The following ZBTB38 variants were observed in gnomAD, a reference collection of about 807,000 sequenced individuals.
The protein encoded by ZBTB38 is zinc finger and BTB domain containing 38.
Under a neutral mutation model 76.8 loss-of-function variants are expected in ZBTB38, and 20 were observed. The ratio of observed to expected loss-of-function variants is 0.26; its 90% CI spans 0.18 to 0.38. The LOEUF is 0.38. Ranked by LOEUF, ZBTB38 falls within the 10% of genes least tolerant of loss-of-function variation. The pLI is 1.00. For missense variants in ZBTB38, 1,082 were observed against 1,482.3 expected, an observed-to-expected ratio of 0.73 and a Z score of 4.43; for synonymous variants, 504 against 544.2, an observed-to-expected ratio of 0.93 and a Z score of 1.03.
At chr3:141,343,348 G>A (rs943625259) in intron 1 of ZBTB38, among the ~76,000 whole-genome samples, 5 of 152,106 alleles carry the variant, frequency 3.3e-5, no homozygotes, top group African/African-American at 1.2e-4. Context: ...TCCATTCAAG[G>A]GAGCAGGACA....
intron 1 of ZBTB38, among the ~76,000 whole-genome samples, chr3:141,357,786 A>G (rs1943709178): frequency 6.6e-6 from 1 of 152,102 alleles, no homozygotes; most frequent in African/African-American, 2.4e-5. Flanking sequence ...GCGCCTGGCT[A>G]TTTTTGTGGT....
chr3:141,397,444 C>T (rs778307394), intron 4 of ZBTB38, among the ~76,000 whole-genome samples: 7 of 152,152 alleles, frequency 4.6e-5, no homozygotes, highest in Admixed American at 1.3e-4. Flanking sequence ...TTATCATTTC[C>T]GTGTTCATTG....
At chr3:141,414,247 A>G (rs1202212258) in intron 5 of ZBTB38, among the ~76,000 whole-genome samples, 1 of 152,176 alleles carries the variant, frequency 6.6e-6, no homozygotes, top group African/African-American at 2.4e-5. Context: ...TTTCACACAG[A>G]TAGGGGCCTG....
chr3:141,434,329 A>G (rs1230333976), intron 5 of ZBTB38: 2 of 503,370 alleles, frequency 4.0e-6, no homozygotes, highest in Non-Finnish European at 5.1e-6. Flanking sequence ...GGCAGAATGT[A>G]GAAGTCTTCC....
At chr3:141,354,061 C>T (rs978410284) in intron 1 of ZBTB38, among the ~76,000 whole-genome samples, 3 of 152,268 alleles carry the variant, frequency 2.0e-5, no homozygotes, top group South Asian at 4.1e-4. Context: ...AATCCCTTCA[C>T]ACTCTTACAA....
At chr3:141,435,984 C>A (rs2078691141) in intron 5 of ZBTB38, among the ~76,000 whole-genome samples, 1 of 151,988 alleles carries the variant, frequency 6.6e-6, no homozygotes. Context: ...ACAAAACTTG[C>A]TTTTTAGAAA....
At chr3:141,440,221 A>C (rs1040515710) in intron 5 of ZBTB38, among the ~76,000 whole-genome samples, 1 of 152,244 alleles carries the variant, frequency 6.6e-6, no homozygotes, top group African/African-American at 2.4e-5. Flanking sequence ...ATTGATGATA[A>C]AAGTTAGTTC....
intron 4 of ZBTB38, chr3:141,388,401 G>A (rs2149282656): frequency 6.6e-6 from 1 of 152,150 alleles, no homozygotes; most frequent in African/African-American, 2.4e-5. Context: ...AATTTGGGGG[G>A]ATGAGGAGTT....
intron 4 of ZBTB38, among the ~76,000 whole-genome samples, chr3:141,398,917 T>C (rs1036442500): frequency 8.5e-5 from 13 of 152,212 alleles, no homozygotes; most frequent in Admixed American, 3.3e-4. Flanking sequence ...TACAGTGCAA[T>C]TGACACTATT....
intron 5 of ZBTB38, among the ~76,000 whole-genome samples, chr3:141,430,511 C>T (rs948703936): frequency 1.3e-5 from 2 of 152,236 alleles, no homozygotes; most frequent in East Asian, 1.9e-4. Context: ...TGCCAGGTGC[C>T]ATGGACCACA....
chr3:141,373,229 GA>G (rs1944893029), intron 2 of ZBTB38, among the ~76,000 whole-genome samples: 1 of 152,222 alleles, frequency 6.6e-6, no homozygotes, highest in South Asian at 2.1e-4. Context: ...GGAAAAGTTA[GA>G]CTTTGTTGAG....
At chr3:141,400,120 G>A (rs1422294152) in intron 4 of ZBTB38, among the ~76,000 whole-genome samples, 2 of 151,772 alleles carry the variant, frequency 1.3e-5, no homozygotes, top group Admixed American at 6.6e-5. Flanking sequence ...GACAACTTGG[G>A]CCCTTCCTGG....
intron 2 of ZBTB38, among the ~76,000 whole-genome samples, chr3:141,372,064 T>G (rs960762267): frequency 6.6e-6 from 1 of 152,344 alleles, no homozygotes; most frequent in Admixed American, 6.5e-5. Flanking sequence ...ATCCACACCC[T>G]GAAGAGCATG....
intron 1 of ZBTB38, among the ~76,000 whole-genome samples, chr3:141,334,699 G>GC (rs1015540269): frequency 6.6e-6 from 1 of 151,922 alleles, no homozygotes; most frequent in Non-Finnish European, 1.5e-5. Context: ...ACCTTCCCCA[G>GC]CCCCCGGCAC....
chr3:141,325,805 C>G (rs564608678), intron 1 of ZBTB38, among the ~76,000 whole-genome samples: 1 of 152,202 alleles, frequency 6.6e-6, no homozygotes, highest in Non-Finnish European at 1.5e-5. Context: ...TTTAAGCAGA[C>G]GATGGCTGGT....
chr3:141,434,100 A>C, intron 5 of ZBTB38: 4 of 589,638 alleles, frequency 6.8e-6, no homozygotes, highest in Non-Finnish European at 8.5e-6. Flanking sequence ...CCTGTACTCA[A>C]GGAGCTCATA....
intron 5 of ZBTB38, among the ~76,000 whole-genome samples, chr3:141,435,904 C>T (rs1312122802): frequency 6.6e-6 from 1 of 152,186 alleles, no homozygotes; most frequent in Non-Finnish European, 1.5e-5. Flanking sequence ...GACTCATCTA[C>T]AATTTCATAT....
At chr3:141,363,708 T>TA (rs1206095212), upstream of ZBTB38, among the ~76,000 whole-genome samples, 1 of 152,236 alleles carries the variant, frequency 6.6e-6, no homozygotes, top group Admixed American at 6.5e-5. Context: ...TAGAATAGTT[T>TA]TATATGTACA....
chr3:141,400,947 G>A (rs1245762079), intron 4 of ZBTB38, among the ~76,000 whole-genome samples: 1 of 152,106 alleles, frequency 6.6e-6, no homozygotes, highest in East Asian at 1.9e-4. Context: ...CCAGTCACAG[G>A]GAAACACAGA....
Sources: gnomAD v4.1 joint callset for allele counts (sites outside exome capture counted in the v4.1 genomes callset) on GRCh38, gnomAD v4.1.1 for gene constraint, MANE v1.5 for transcripts, NCBI Gene and HGNC (gene_info 2026-07-23, HGNC 2026-07-21) for gene names.